The following CTNNA2 variants were observed in gnomAD, a reference collection of about 807,000 sequenced individuals.
CTNNA2 encodes the protein catenin alpha 2, also known as catenin alpha-2.
CTNNA2 carries 42 observed loss-of-function variants against 101.0 expected under a neutral mutation model. The observed-to-expected ratio is 0.42, with a 90% CI of 0.32 to 0.54. The LOEUF is 0.54. CTNNA2 is among the 20% of genes least tolerant of loss of function. The pLI, the probability that CTNNA2 is intolerant of heterozygous loss-of-function variation, is 0.14. For missense variants in CTNNA2, 871 were observed against 1,223.1 expected (o/e 0.71, Z 4.29); for synonymous variants, 450 against 456.4 (o/e 0.99, Z 0.18).
chr2:79,740,845 G>A (rs1054026510), intron 2 of CTNNA2, among the ~76,000 whole-genome samples: 3 of 148,774 alleles, frequency 2.0e-5, no homozygotes, highest in Non-Finnish European at 3.0e-5. Context: ...TTTTTTTAAC[G>A]TATGGTAACT....
At chr2:79,212,539 A>G (rs75473236) in intron 2 of CTNNA2, among the ~76,000 whole-genome samples, 1 of 152,134 alleles carries the variant, frequency 6.6e-6, no homozygotes, top group Non-Finnish European at 1.5e-5. Flanking sequence ...TTTCCTGAAG[A>G]CTGAGGACTG....
At chr2:80,557,406 A>G (rs1693140219) in intron 12 of CTNNA2, among the ~76,000 whole-genome samples, 1 of 152,102 alleles carries the variant, frequency 6.6e-6, no homozygotes, top group African/African-American at 2.4e-5. Flanking sequence ...CTTTAGGGAG[A>G]CCATCTCACA....
At chr2:79,681,001 G>A (rs939974210) in intron 2 of CTNNA2, among the ~76,000 whole-genome samples, 1 of 152,008 alleles carries the variant, frequency 6.6e-6, no homozygotes, top group Non-Finnish European at 1.5e-5. Flanking sequence ...AAAAGAAAAA[G>A]CAAAATTACT....
At chr2:79,736,162 T>C (rs940703658) in intron 2 of CTNNA2, among the ~76,000 whole-genome samples, 3 of 152,182 alleles carry the variant, frequency 2.0e-5, no homozygotes, top group Non-Finnish European at 4.4e-5. Context: ...TTTGTATAAC[T>C]TTGTTGGTCT....
chr2:79,712,801 A>G (rs907762930), intron 2 of CTNNA2, among the ~76,000 whole-genome samples: 1 of 152,224 alleles, frequency 6.6e-6, no homozygotes, highest in Non-Finnish European at 1.5e-5. Flanking sequence ...GAGTCATACC[A>G]TACTTGTTTT....
At chr2:79,229,554 T>G (rs949663499) in intron 2 of CTNNA2, among the ~76,000 whole-genome samples, 2 of 152,156 alleles carry the variant, frequency 1.3e-5, no homozygotes, top group African/African-American at 4.8e-5. Flanking sequence ...AATTGCCCAG[T>G]CTTGGGTATG....
At chr2:80,374,282 A>G (rs1675716719) in intron 7 of CTNNA2, among the ~76,000 whole-genome samples, 1 of 152,078 alleles carries the variant, frequency 6.6e-6, no homozygotes, top group African/African-American at 2.4e-5. Context: ...ACCAATGTTT[A>G]ACTCTCACTT....
At chr2:79,868,443 G>A (rs540028656) in intron 4 of CTNNA2, among the ~76,000 whole-genome samples, 93 of 152,332 alleles carry the variant, frequency 6.1e-4, no homozygotes, top group African/African-American at 2.1e-3. Context: ...AAGGCTTGAT[G>A]ATATTCATTA....
chr2:79,795,919 C>G (rs2105274267), intron 3 of CTNNA2, among the ~76,000 whole-genome samples: 1 of 152,234 alleles, frequency 6.6e-6, no homozygotes, highest in Middle Eastern at 3.4e-3. Context: ...AAAAGAGTTC[C>G]TAGTATTTGG....
chr2:80,311,745 A>T (rs1028191770), intron 7 of CTNNA2, among the ~76,000 whole-genome samples: 1 of 152,262 alleles, frequency 6.6e-6, no homozygotes, highest in Non-Finnish European at 1.5e-5. Context: ...TTTCACTCTC[A>T]TAAGAAATCT....
At chr2:79,242,468 G>A (rs1214817139) in intron 2 of CTNNA2, among the ~76,000 whole-genome samples, 1 of 151,910 alleles carries the variant, frequency 6.6e-6, no homozygotes, top group Non-Finnish European at 1.5e-5. Flanking sequence ...TTCTAACTTT[G>A]CGGTTTGTGT....
At chr2:79,656,791 A>G (rs751435919) in intron 2 of CTNNA2, among the ~76,000 whole-genome samples, 12 of 151,996 alleles carry the variant, frequency 7.9e-5, no homozygotes, top group Non-Finnish European at 1.3e-4. Context: ...CTGTATTAAG[A>G]AGCCTTATTA....
At chr2:80,627,348 T>G (rs573863693) in intron 18 of CTNNA2, among the ~76,000 whole-genome samples, 3 of 152,312 alleles carry the variant, frequency 2.0e-5, no homozygotes, top group Non-Finnish European at 4.4e-5. Flanking sequence ...GTAAAAGCGT[T>G]CCTATTTCTC....
At chr2:79,748,216 A>C (rs1159517630) in intron 3 of CTNNA2, among the ~76,000 whole-genome samples, 1 of 152,172 alleles carries the variant, frequency 6.6e-6, no homozygotes, top group Non-Finnish European at 1.5e-5. Flanking sequence ...TACCAATGAG[A>C]GCCTGCATTG....
At chr2:80,226,734 A>G (rs967656117) in intron 7 of CTNNA2, among the ~76,000 whole-genome samples, 24 of 152,172 alleles carry the variant, frequency 1.6e-4, no homozygotes, top group African/African-American at 1.7e-4. Flanking sequence ...CCCCAAACCT[A>G]CTTCATGACT....
intron 13 of CTNNA2, 149 bp downstream of exon 13, chr2:80,574,463 A>G (rs1321270183): frequency 1.3e-5 from 12 of 925,792 alleles, no homozygotes; most frequent in Non-Finnish European, 1.7e-5. Context: ...GGTGAGCTTT[A>G]TACTTATGAA....
rs190896564 is a variant in CTNNA2, at chr2:79,720,335, T to A, written c.103-24052T>A. The stretch of plus-strand genomic sequence containing the variant: ...TTGAAGTCAGGTAGTGTAATGCCTC[T>A]GGCTTTGTTCTTTTTGCTTAGGATT... On this transcript the variant is annotated intron_variant, in intron 2 of 18. Coordinates refer to ENST00000402739, the MANE Select transcript of CTNNA2 (RefSeq NM_001282597.3). Among the ~76,000 whole-genome samples the A allele has an allele frequency of 5.5e-4, 83 of 152,192 alleles. No individual in the cohort carries two copies. The East Asian group carries it at 0.013, about 24-fold the overall frequency.
At chr2:80,306,416 C>A (rs191533995) in intron 7 of CTNNA2, among the ~76,000 whole-genome samples, 1 of 137,040 alleles carries the variant, frequency 7.3e-6, no homozygotes, top group Admixed American at 7.5e-5. Context: ...TTCTTTCTTT[C>A]TTTCTTTCTT....
At chr2:79,306,808 A>G (rs1425531660) in intron 2 of CTNNA2, among the ~76,000 whole-genome samples, 1 of 152,238 alleles carries the variant, frequency 6.6e-6, no homozygotes, top group Non-Finnish European at 1.5e-5. Context: ...AATTTTTGCC[A>G]GGCAAATGGC....
Sources: allele counts gnomAD v4.1 joint callset (sites outside exome capture counted in the v4.1 genomes callset), GRCh38; gene constraint gnomAD v4.1.1; transcripts MANE v1.5; gene names NCBI Gene and HGNC (gene_info 2026-07-23, HGNC 2026-07-21).